TRPM7: variants seen among roughly 807,000 people sequenced by gnomAD.
The protein encoded by TRPM7 is transient receptor potential cation channel subfamily M member 7, also known as LTRPC ion channel family member 7.
A neutral mutation model predicts 229.7 loss-of-function variants in TRPM7; 134 were observed. The ratio of observed to expected loss-of-function variants is 0.58; its 90% confidence interval spans 0.51 to 0.67. The LOEUF (loss-of-function observed/expected upper bound fraction) is 0.67. Ranked by LOEUF, TRPM7 falls within the 30% of genes least tolerant of loss-of-function variation. The pLI, the probability that TRPM7 is intolerant of heterozygous loss-of-function variation, is 0.00. For missense variants in TRPM7, 1,901 were observed against 2,210.0 expected (o/e 0.86, Z 2.80); for synonymous variants, 699 against 715.2 (o/e 0.98, Z 0.36).
At chr15:50,573,135 A>T (rs1410148940) in intron 36 of TRPM7, among the ~76,000 whole-genome samples, 1 of 152,280 alleles carries the variant, frequency 6.6e-6, no homozygotes, top group South Asian at 2.1e-4. Context: ...GATGGCTATG[A>T]GCAATTTTTC....
chr15:50,680,915 T>C (rs959149023), intron 1 of TRPM7, among the ~76,000 whole-genome samples: 3 of 152,278 alleles, frequency 2.0e-5, no homozygotes, highest in South Asian at 2.1e-4. Context: ...ATATAAATAA[T>C]GGAGAAAACA....
chr15:50,637,681 TAAG>T, intron 6 of TRPM7, 88 bp from the exon 7 acceptor site: 3 of 1,171,878 alleles, frequency 2.6e-6, no homozygotes, highest in Non-Finnish European at 3.5e-6. Context: ...TAAAGACAAG[TAAG>T]AAGTAAAATT....
rs1567129477 is a variant in TRPM7, at chr15:50,679,532, ATATATAT to A, written c.3+6992_3+6998del. ...ATATAATATATATATATATATATAT[ATATATAT>A]TTTTTTTTTTTTTTGAGACAGAGTC... On this transcript the variant is annotated intron_variant, in intron 1 of 38. Transcript: ENST00000646667. Among the ~76,000 whole-genome samples, 95 of 33,372 alleles carry A rather than the reference ATATATAT, an allele frequency of 2.8e-3. 1 individual carries two copies. Among genetic ancestry groups the A allele is most frequent in the South Asian group, 0.015 (15 of 1,024 alleles). 21.9% of individuals were successfully genotyped at this position (33,372 alleles called of 152,430 possible).
At chr15:50,577,185 T>G (rs1175335136) in intron 31 of TRPM7, among the ~76,000 whole-genome samples, 7 of 151,882 alleles carry the variant, frequency 4.6e-5, no homozygotes, top group African/African-American at 1.7e-4. Flanking sequence ...GCCTAATATG[T>G]CATGTTAAGG....
At position 50,657,904 on chromosome 15, in the gene TRPM7, CAAAAA is replaced by C. The variant is rs1232976816; in HGVS notation, c.84-90_84-86del. The C allele has an allele frequency of 1.7e-5, 18 of 1,078,498 alleles. 1 individual carries two copies. The South Asian group carries it at 2.7e-4, about 16-fold the overall frequency. The allele number at this position is 1,078,498 out of a possible 1,614,324, so 66.8% of individuals were successfully genotyped here. ...TATATAAAATACATAAAATACAAAA[CAAAAA>C]AAATTATATACCTAGTTTAATTTTT... is the stretch of plus-strand genomic sequence containing the variant. On this transcript the variant is annotated intron_variant, in intron 2 of 38. Transcript: ENST00000646667.
At chr15:50,620,254 C>T (rs976652811) in intron 12 of TRPM7, among the ~76,000 whole-genome samples, 1 of 151,806 alleles carries the variant, frequency 6.6e-6, no homozygotes, top group Non-Finnish European at 1.5e-5. Flanking sequence ...GAATATGGCC[C>T]AAGACAAATT....
Position 50,592,320 on chromosome 15 carries a change from A to C in TRPM7, c.3915T>G (p.Gly1305=). 1 of 1,613,912 alleles carries C rather than the reference A, an allele frequency of 6.2e-7. No homozygotes were observed. The highest frequency in any genetic ancestry group is 1.1e-5 in the South Asian group (1 of 91,054). Residue 1305 remains glycine, a synonymous_variant, in exon 26 of 39, where the codon GGT becomes GGG. Coordinates refer to ENST00000646667, the MANE Select transcript of TRPM7 (RefSeq NM_017672.6). ...GAAAAGGATTATTACTTTCAAGATC[A>C]CCTTGAGGAAGAGAGGAGCTAAGTG... ...VNTLSSSLPQ[G]DLESNNPFHC...
In TRPM7 at chr15:50,637,610, A is replaced by G; in HGVS notation, c.661-17T>C. On this transcript the variant is annotated splice_polypyrimidine_tract_variant and intron_variant, in intron 6 of 38. Transcript: ENST00000646667. ...AGCAACCACCTAAACAATAGCAAAC[A>G]AAAGAGTTAGTGAGCAGGATTAAAT... 1 of 1,605,470 alleles carries G rather than the reference A, an allele frequency of 6.2e-7. No homozygotes were observed.
intron 11 of TRPM7, among the ~76,000 whole-genome samples, chr15:50,626,273 T>A (rs984554044): frequency 3.3e-5 from 5 of 152,150 alleles, no homozygotes; most frequent in Non-Finnish European, 5.9e-5. Flanking sequence ...TATTCTTAAT[T>A]TATGTAATTA....
chr15:50,624,358 T>G, intron 11 of TRPM7, 58 bp from the exon 12 acceptor site: 1 of 1,415,390 alleles, frequency 7.1e-7, no homozygotes, highest in South Asian at 1.5e-5. Context: ...TACAAACACT[T>G]TTAAATGTTA....
intron 28 of TRPM7, 137 bp downstream of exon 28, chr15:50,586,255 A>G: frequency 3.8e-6 from 2 of 527,612 alleles, no homozygotes; most frequent in Non-Finnish European, 6.7e-6. Flanking sequence ...TCAAGGTTAC[A>G]GTCACTATGG....
At chr15:50,580,809 G>GA (rs2054364509) in intron 30 of TRPM7, 65 bp downstream of exon 30, 3 of 1,466,342 alleles carry the variant, frequency 2.0e-6, no homozygotes, top group African/African-American at 2.9e-5. Flanking sequence ...TAAAGAGCAG[G>GA]AAAAAAGACA....
At chr15:50,668,867 T>C (rs1001381311) in intron 1 of TRPM7, among the ~76,000 whole-genome samples, 2 of 152,130 alleles carry the variant, frequency 1.3e-5, no homozygotes, top group South Asian at 2.1e-4. Flanking sequence ...CAGGACACAA[T>C]TGGAGAAACT....
chr15:50,619,340 C>T (rs1567022279), intron 13 of TRPM7, among the ~76,000 whole-genome samples: 1 of 151,872 alleles, frequency 6.6e-6, no homozygotes, highest in Non-Finnish European at 1.5e-5. Context: ...CCCACCTCAG[C>T]CTCCCGAGTA....
chr15:50,637,367 C>T, intron 7 of TRPM7, 55 bp downstream of exon 7: 1 of 1,512,584 alleles, frequency 6.6e-7, no homozygotes, highest in Non-Finnish European at 9.0e-7. Flanking sequence ...TTGAATTTGG[C>T]TATTAGTACA....
chr15:50,628,310 C>A, intron 10 of TRPM7, 61 bp from the exon 11 acceptor site: 8 of 1,227,438 alleles, frequency 6.5e-6, no homozygotes, highest in South Asian at 2.6e-5. Flanking sequence ...AAAAGGTGAA[C>A]ACTTTTTTTT....
At chr15:50,685,233 C>T (rs951878399) in intron 1 of TRPM7, among the ~76,000 whole-genome samples, 1 of 152,162 alleles carries the variant, frequency 6.6e-6, no homozygotes, top group Admixed American at 6.5e-5. Flanking sequence ...GGGGCTGAGG[C>T]GGGCGGATCA....
chr15:50,640,806 G>A (rs2061079356), intron 5 of TRPM7, among the ~76,000 whole-genome samples: 1 of 152,060 alleles, frequency 6.6e-6, no homozygotes, highest in African/African-American at 2.4e-5. Context: ...AATACAAAAG[G>A]AAACACCAAG....
intron 29 of TRPM7, among the ~76,000 whole-genome samples, chr15:50,582,023 C>T (rs748659748): frequency 1.3e-5 from 2 of 152,130 alleles, no homozygotes; most frequent in South Asian, 2.1e-4. Flanking sequence ...AGTGCAGTGG[C>T]GCAATCTCGG....
Sources: allele counts gnomAD v4.1 joint callset (sites outside exome capture counted in the v4.1 genomes callset), GRCh38; gene constraint gnomAD v4.1.1; transcripts MANE v1.5; gene names NCBI Gene and HGNC (gene_info 2026-07-23, HGNC 2026-07-21).